TEPSIN: variants seen among roughly 807,000 people sequenced by gnomAD.
The protein encoded by TEPSIN is TEPSIN adaptor related protein complex 4 accessory protein.
In TEPSIN, 50 loss-of-function variants were observed where a neutral mutation model predicts 48.5. That is an observed-to-expected ratio of 1.03 (90% CI 0.82 to 1.31). The LOEUF is 1.31. TEPSIN is among the 50% of genes most tolerant of loss of function. The pLI is 0.00. For missense variants in TEPSIN, 838 were observed against 815.9 expected, an observed-to-expected ratio of 1.03 and a Z score of -0.33; for synonymous variants, 392 against 358.8, an observed-to-expected ratio of 1.09 and a Z score of -1.05.
rs1467723023 is a variant in TEPSIN, at chr17:81,237,475, A to G, written c.49-16T>C. On this transcript the variant is annotated splice_polypyrimidine_tract_variant and intron_variant, in intron 1 of 12. Coordinates refer to ENST00000637944, the MANE Select transcript of TEPSIN (RefSeq NM_001363764.2). ...GAATCGGGAGCTGAAAGGGAACAAG[A>G]GCCCCTACCATGATGAGGTGCCATT... 6.2e-7 allele frequency: 1 copy of G among 1,601,154 alleles called. No individual in the cohort carries two copies. Among genetic ancestry groups the G allele is most frequent in the East Asian group, 2.2e-5 (1 of 44,686 alleles).
chr17:81,236,022 C>T (rs1332443956), intron 4 of TEPSIN, among the ~76,000 whole-genome samples: 1 of 152,232 alleles, frequency 6.6e-6, no homozygotes, highest in Non-Finnish European at 1.5e-5. Context: ...ATTCCCCACT[C>T]AGGGGCTGGG....
chr17:81,236,738 G>GT lies in TEPSIN; in HGVS notation c.276dup (p.Arg93ThrfsTer122). 1.3e-6 allele frequency: 2 copies of GT among 1,571,880 alleles called. No homozygotes were observed. Among genetic ancestry groups the GT allele is most frequent in the Non-Finnish European group, 1.7e-6 (2 of 1,159,200 alleles). ...GCTTCCTGGATGAAGGCAGAGTTGC[G>GT]TTTGAGGATGAGCAGGAAGAAGGAG... On this transcript the variant is annotated frameshift_variant, in exon 4 of 13. Transcript: ENST00000637944. LOFTEE classifies it high-confidence loss of function.
Position 81,233,079 on chromosome 17 carries a change from C to T in TEPSIN, c.526+353G>A, listed in dbSNP as rs1337233534. Reference sequence around the variant, plus strand: ...GAGCAGTTGTCCACTGGTACTGCCCCACCTCATAACAGCTCCACACGGGAC... The same window carrying T: ...GAGCAGTTGTCCACTGGTACTGCCCTACCTCATAACAGCTCCACACGGGAC... On this transcript the variant is annotated intron_variant, in intron 7 of 12. Coordinates refer to ENST00000637944, the MANE Select transcript of TEPSIN (RefSeq NM_001363764.2). The surrounding 1 kb of genome is among the most constrained non-coding windows in gnomAD (Gnocchi z 5.8). 9 of 365,588 alleles carry T rather than the reference C, an allele frequency of 2.5e-5. No homozygotes were observed. The South Asian group carries it at 3.5e-4, about 14-fold the overall frequency. 22.6% of individuals were successfully genotyped at this position (365,588 alleles called of 1,614,324 possible). A position where few individuals can be genotyped will look rare whatever the true frequency, so the allele number is the denominator to read the frequency against.
rs1275783603 is a variant in TEPSIN, at chr17:81,239,004, G to T, written c.30C>A (p.Arg10=). 5 of 1,489,308 alleles carry T rather than the reference G, an allele frequency of 3.4e-6. No homozygotes were observed. The highest frequency in any genetic ancestry group is 4.4e-6 in the Non-Finnish European group (5 of 1,124,822). 92.3% of individuals were successfully genotyped at this position (1,489,308 alleles called of 1,614,324 possible). The part of the protein sequence containing the change: MAAAPPLRD[R]LSFLHRLPIL... Reference sequence around the variant, plus strand: ...CACTCACCCGGTGTAGAAAGCTCAGGCGGTCCCGTAGCGGCGGCGCGGCAG... The same window carrying T: ...CACTCACCCGGTGTAGAAAGCTCAGTCGGTCCCGTAGCGGCGGCGCGGCAG... The change falls in exon 1 of 13, where the codon CGC becomes CGA. Residue 10 remains arginine (R), a synonymous_variant. Coordinates refer to ENST00000637944, the MANE Select transcript of TEPSIN (RefSeq NM_001363764.2).
rs530518695 is a variant in TEPSIN, at chr17:81,231,316, C to T, written c.1098+82G>A. ...ACACACAGGTGTGCACACAGGCACA[C>T]GTGCACACACACGCACACGCACACA... is the stretch of plus-strand genomic sequence containing the variant. On this transcript the variant is annotated intron_variant, in intron 11 of 12. Transcript: ENST00000637944. 652 of 1,351,946 alleles carry T rather than the reference C, an allele frequency of 4.8e-4. 1 individual carries two copies. Among genetic ancestry groups the T allele is most frequent in the Non-Finnish European group, 5.3e-4 (534 of 1,001,480 alleles). The allele number at this position is 1,351,946 out of a possible 1,614,324, so 83.7% of individuals were successfully genotyped here. A position where few individuals can be genotyped will look rare whatever the true frequency, so the allele number is the denominator to read the frequency against.
chr17:81,229,180 C>T lies in TEPSIN; in HGVS notation c.1530G>A (p.Arg510=). Residue 510 remains arginine, a synonymous_variant, in exon 13 of 13, where the codon AGG becomes AGA. Coordinates refer to ENST00000637944, the MANE Select transcript of TEPSIN (RefSeq NM_001363764.2). ...SEAEARLAES[R]RWRPERIPGG... ...CTGGGATCCGTTCAGGTCTCCACCG[C>T]CTGCTTTCTGCCAGTCTGGCCTCGG... is the stretch of plus-strand genomic sequence containing the variant. 1 of 1,611,702 alleles carries T rather than the reference C, an allele frequency of 6.2e-7. No homozygotes were observed. Among genetic ancestry groups the T allele is most frequent in the South Asian group, 1.1e-5 (1 of 90,890 alleles).
intron 10 of TEPSIN, 26 bp from the exon 11 acceptor site, chr17:81,231,502 C>T (rs369944113): frequency 2.7e-5 from 43 of 1,564,108 alleles, no homozygotes; most frequent in Non-Finnish European, 3.3e-5. Flanking sequence ...ACCTGGGTGG[C>T]GGGTGCGGCC....
At position 81,236,764 on chromosome 17, in the gene TEPSIN, G is replaced by A. The variant is rs372865772; in HGVS notation, c.251C>T (p.Ser84Phe). The A allele has an allele frequency of 1.1e-5, 17 of 1,573,940 alleles. No individual in the cohort carries two copies. Among genetic ancestry groups the A allele is most frequent in the Non-Finnish European group, 1.4e-5 (16 of 1,160,306 alleles). The change falls in exon 4 of 13, where the codon TCC (serine) becomes TTC (phenylalanine). Residue 84 changes from serine to phenylalanine, a missense_variant. Ser to Phe is a radical substitution (Grantham distance 155). Transcript: ENST00000637944. ...KILLYLCSHG[S>F]SFFLLILKRN... Reference sequence around the variant, plus strand: ...TTTGAGGATGAGCAGGAAGAAGGAGGAGCCGTGGCTGCACAGATAGAGCAG... The same window carrying A: ...TTTGAGGATGAGCAGGAAGAAGGAGAAGCCGTGGCTGCACAGATAGAGCAG...
At chr17:81,232,801 G>C in intron 7 of TEPSIN, 1 of 417,044 alleles carries the variant, frequency 2.4e-6, no homozygotes, top group South Asian at 4.5e-5. Flanking sequence ...AGGGGCTTGG[G>C]CTTGGCCTTG....
At position 81,230,176 on chromosome 17, in the gene TEPSIN, T is replaced by C; in HGVS notation, c.1233+368A>G. ...ATTTCTGCCCTCCGGAGCTTGGGAG[T>C]TGAGCATGAGCTGTGTCATGGGTGG... On this transcript the variant is annotated intron_variant, in intron 12 of 12. Transcript: ENST00000637944. The surrounding 1 kb of genome is among the most constrained non-coding windows in gnomAD (Gnocchi z 4.2). The C allele has an allele frequency of 4.1e-6, 1 of 242,606 alleles. No individual in the cohort carries two copies. The highest frequency in any genetic ancestry group is 7.1e-5 in the South Asian group (1 of 14,176). 15.0% of individuals were successfully genotyped at this position (242,606 alleles called of 1,614,324 possible). A position where few individuals can be genotyped will look rare whatever the true frequency, so the allele number is the denominator to read the frequency against.
chr17:81,228,900 C>G lies in TEPSIN; in HGVS notation c.*28G>C, dbSNP rs763518211. 2.0e-5 allele frequency: 33 copies of G among 1,611,006 alleles called. No homozygotes were observed. Among genetic ancestry groups the G allele is most frequent in the Non-Finnish European group, 2.5e-5 (30 of 1,179,690 alleles). On this transcript the variant is annotated 3_prime_UTR_variant, in exon 13 of 13. Transcript: ENST00000637944. ...AGACCGCCCCAGACAGCAGCTGAAG[C>G]TGAAGACTCCAGGGCCAGGCCATCG...
Position 81,233,573 on chromosome 17 carries a change from C to T in TEPSIN, c.454+65G>A. On this transcript the variant is annotated intron_variant, in intron 6 of 12. Coordinates refer to ENST00000637944, the MANE Select transcript of TEPSIN (RefSeq NM_001363764.2). This position sits in a 1 kb window ranked among gnomAD's most constrained non-coding sequence, Gnocchi z 5.8. ...GCCCTGCCCACGGATGGCACAGACA[C>T]CCAGGACACTCAAGGAGGCAGAAAC... is the stretch of plus-strand genomic sequence containing the variant. 1 of 1,569,068 alleles carries T rather than the reference C, an allele frequency of 6.4e-7. No homozygotes were observed. Among genetic ancestry groups the T allele is most frequent in the African/African-American group, 1.3e-5 (1 of 74,524 alleles).
Position 81,231,610 on chromosome 17 carries a change from C to A in TEPSIN, c.987G>T (p.Leu329=). 9.3e-6 allele frequency: 15 copies of A among 1,613,116 alleles called. No homozygotes were observed. Among genetic ancestry groups the A allele is most frequent in the Non-Finnish European group, 1.3e-5 (15 of 1,179,732 alleles). The change falls in exon 10 of 13, where the codon CTG becomes CTT. Residue 329 remains leucine, a synonymous_variant. Coordinates refer to ENST00000637944, the MANE Select transcript of TEPSIN (RefSeq NM_001363764.2). ...RTVTRGPRAF[L]SREEAQHFIK... is the part of the protein sequence containing the mutation. ...TGAAGTGCTGTGCCTCCTCGCGGCT[C>A]AGGAAGGCGCGTGGTCCCCGAGTCA...
chr17:81,231,491 C>T lies in TEPSIN; in HGVS notation c.1020-15G>A. Reference sequence around the variant, plus strand: ...GCAGTCCACACCTGCACAGAGGGGACACCTGGGTGGCGGGTGCGGCCCGTT... The same window carrying T: ...GCAGTCCACACCTGCACAGAGGGGATACCTGGGTGGCGGGTGCGGCCCGTT... On this transcript the variant is annotated splice_polypyrimidine_tract_variant and intron_variant, in intron 10 of 12. Transcript: ENST00000637944. The T allele has an allele frequency of 5.7e-6, 9 of 1,568,436 alleles. No individual in the cohort carries two copies. The highest frequency in any genetic ancestry group is 7.8e-6 in the Non-Finnish European group (9 of 1,156,634).
In TEPSIN at chr17:81,231,962, T is replaced by C. The variant is rs761108531; in HGVS notation, c.790A>G (p.Ser264Gly). ...GGWDELDSGPSSQNSSQNSDL... is the reference protein window; with the variant it reads ...GGWDELDSGPGSQNSSQNSDL... Reference sequence around the variant, plus strand: ...CTGTTCTGGGAGGAATTCTGAGAGCTGGGGCCGCTGTCCAGCTCATCCCAG... The same window carrying C: ...CTGTTCTGGGAGGAATTCTGAGAGCCGGGGCCGCTGTCCAGCTCATCCCAG... The change falls in exon 9 of 13, where the codon AGC becomes GGC. Residue 264 changes from serine (S) to glycine (G), a missense_variant. By Grantham distance (56) the Ser-to-Gly change is moderately conservative. Transcript: ENST00000637944. 1 of 1,613,236 alleles carries C rather than the reference T, an allele frequency of 6.2e-7. No individual in the cohort carries two copies. Among genetic ancestry groups the C allele is most frequent in the East Asian group, 2.2e-5 (1 of 44,878 alleles).
At chr17:81,231,075 G>GCATGCACACACACACAGGCACATA (rs2062590384) in intron 11 of TEPSIN, 1 of 507,654 alleles carries the variant, frequency 2.0e-6, no homozygotes, top group Non-Finnish European at 3.5e-6. Context: ...ACTTTCATGT[G>GCATGCACACACACACAGGCACATA]CATGCACACA....
intron 4 of TEPSIN, among the ~76,000 whole-genome samples, chr17:81,235,918 G>A (rs1374741314): frequency 2.0e-5 from 3 of 152,226 alleles, no homozygotes; most frequent in Non-Finnish European, 2.9e-5. Flanking sequence ...CACTGGTTTC[G>A]ACACCGGTTT....
Position 81,233,662 on chromosome 17 carries a change from G to C in TEPSIN, c.430C>G (p.Pro144Ala), listed in dbSNP as rs759246634. The change falls in exon 6 of 13, where the codon CCT (proline) becomes GCT (alanine). Residue 144 changes from proline (P) to alanine (A), a missense_variant. Transcript: ENST00000637944. This position sits in a 1 kb window ranked among gnomAD's most constrained non-coding sequence, Gnocchi z 5.8. Reference protein sequence around the residue: ...DTVLPLAPSQPLGTPPATGMG... With the variant: ...DTVLPLAPSQALGTPPATGMG... ...CCTGTGGCAGGCGGGGTCCCCAGAG[G>C]CTGGGAGGGAGCCAGCGGCAACACG... 1 of 1,600,816 alleles carries C rather than the reference G, an allele frequency of 6.2e-7. No individual in the cohort carries two copies. The highest frequency in any genetic ancestry group is 1.1e-5 in the South Asian group (1 of 88,636).
chr17:81,232,361 G>A lies in TEPSIN; in HGVS notation c.684C>T (p.Pro228=), dbSNP rs568120334. The A allele has an allele frequency of 2.3e-3, 3,477 of 1,535,450 alleles. 11 individuals are homozygous for A. Among genetic ancestry groups the A allele is most frequent in the Non-Finnish European group, 2.4e-3 (2,747 of 1,146,406 alleles). ...PAMMPSASHG[P]PTLGNLLPGA... is the part of the protein sequence containing the mutation. ...CGGGGAGTAGGTTCCCCAGGGTTGG[G>A]GGACCGTGGCTGGCTGAAGGCATCA... Residue 228 remains proline (P), a synonymous_variant, in exon 8 of 13, where the codon CCC becomes CCT. Coordinates refer to ENST00000637944, the MANE Select transcript of TEPSIN (RefSeq NM_001363764.2).
Sources: gnomAD v4.1 joint callset for allele counts (sites outside exome capture counted in the v4.1 genomes callset) on GRCh38, gnomAD v4.1.1 for gene constraint, Gnocchi (gnomAD v3.1) non-coding constraint, MANE v1.5 for transcripts, NCBI Gene and HGNC (gene_info 2026-07-23, HGNC 2026-07-21) for gene names.